Variants in DPH6 observed in about 807,000 individuals in gnomAD.
The protein encoded by DPH6 is diphthamine biosynthesis 6.
DPH6 carries 33 observed loss-of-function variants against 38.2 expected under a neutral mutation model. The ratio of observed to expected loss-of-function variants is 0.86; its 90% confidence interval spans 0.65 to 1.15. The LOEUF (loss-of-function observed/expected upper bound fraction) is 1.15. Ranked by LOEUF, DPH6 falls within the 50% of genes most tolerant of loss-of-function variation. DPH6 has a pLI of 0.00. For synonymous variants in DPH6, 108 were observed against 103.0 expected (o/e 1.05, Z -0.30); for missense variants, 325 against 320.0 (o/e 1.02, Z -0.12).
chr15:35,540,270 A>G (rs375683304), intron 2 of DPH6, among the ~76,000 whole-genome samples: 1 of 152,134 alleles, frequency 6.6e-6, no homozygotes, highest in East Asian at 1.9e-4. Flanking sequence ...AAGCAACTCA[A>G]TTAACATGCC....
the DPH6 span, among the ~76,000 whole-genome samples, chr15:35,186,218 G>C: frequency 2.6e-5 from 4 of 152,116 alleles, no homozygotes; most frequent in African/African-American, 9.7e-5. Context: ...TTGGAAGAAA[G>C]CCTGTAGCAA....
intron 6 of DPH6, among the ~76,000 whole-genome samples, chr15:35,399,619 A>G (rs2053191472): frequency 6.6e-6 from 1 of 152,222 alleles, no homozygotes; most frequent in Non-Finnish European, 1.5e-5. Flanking sequence ...AATATCCTAT[A>G]CACTTCCAAA....
At chr15:35,534,613 GAACAT>G (rs2055140800) in intron 3 of DPH6, among the ~76,000 whole-genome samples, 1 of 151,642 alleles carries the variant, frequency 6.6e-6, no homozygotes, top group South Asian at 2.1e-4. Flanking sequence ...AAATCTCACA[GAACAT>G]ACAACAAAAA....
chr15:35,295,852 A>G (rs2052010989), intron 3 of DPH6, among the ~76,000 whole-genome samples: 1 of 152,102 alleles, frequency 6.6e-6, no homozygotes, highest in Admixed American at 6.5e-5. Context: ...TTTTTCAATT[A>G]CATATTATGT....
rs148583348 is a variant in DPH6 at position 35,526,412 on chromosome 15, A to G, written c.312+11862T>C. Among the ~76,000 whole-genome samples the G allele has an allele frequency of 3.7e-3, 571 of 152,324 alleles. 6 individuals carry two copies. The highest frequency in any genetic ancestry group is 0.013 in the African/African-American group (548 of 41,576). ...GGATCAATATTAGCATAATTTTGTC[A>G]AAGTTAGATAGGCTTAATTTTGGTA... On this transcript the variant is annotated intron_variant, in intron 3 of 8. Coordinates refer to ENST00000256538, the MANE Select transcript of DPH6 (RefSeq NM_080650.4).
chr15:35,312,276 CAGAAGGGTAT>C (rs1392846658), intron 3 of DPH6, among the ~76,000 whole-genome samples: 3 of 152,082 alleles, frequency 2.0e-5, no homozygotes, highest in Non-Finnish European at 1.5e-5. Flanking sequence ...TATTGAATTA[CAGAAGGGTAT>C]AATAAGGTAG....
chr15:35,332,156 T>C (rs1315430777), intron 3 of DPH6, among the ~76,000 whole-genome samples: 2 of 152,142 alleles, frequency 1.3e-5, no homozygotes, highest in Non-Finnish European at 2.9e-5. Flanking sequence ...TTGTATTCTA[T>C]TCCTAAATTT....
At chr15:35,396,036 C>T (rs1010903338) in intron 6 of DPH6, among the ~76,000 whole-genome samples, 15 of 152,198 alleles carry the variant, frequency 9.9e-5, no homozygotes, top group Admixed American at 5.2e-4. Flanking sequence ...AGGACCCACA[C>T]CTCTTTTTGT....
intron 5 of DPH6, among the ~76,000 whole-genome samples, chr15:35,432,977 T>A (rs1054842506): frequency 5.9e-5 from 9 of 152,056 alleles, no homozygotes; most frequent in Admixed American, 4.6e-4. Flanking sequence ...ACATGAAATT[T>A]ACCCATGTAA....
At chr15:35,516,669 T>C (rs2054851844) in intron 3 of DPH6, among the ~76,000 whole-genome samples, 2 of 152,198 alleles carry the variant, frequency 1.3e-5, no homozygotes, top group Admixed American at 6.5e-5. Flanking sequence ...CATTAAAGGA[T>C]AAAAACATAC....
the DPH6 span, among the ~76,000 whole-genome samples, chr15:35,183,089 C>T: frequency 5.3e-5 from 8 of 152,218 alleles, no homozygotes; most frequent in Non-Finnish European, 1.0e-4. Context: ...CCATATCACT[C>T]ATAGCCTTTA....
chr15:35,162,502 C>CT, the DPH6 span, among the ~76,000 whole-genome samples: 7 of 151,922 alleles, frequency 4.6e-5, no homozygotes, highest in Admixed American at 1.3e-4. Flanking sequence ...CTGAAATACT[C>CT]TACTCTCAGA....
At chr15:35,341,466 AGT>A (rs1176489112) in intron 3 of DPH6, among the ~76,000 whole-genome samples, 2 of 151,852 alleles carry the variant, frequency 1.3e-5, no homozygotes, top group Non-Finnish European at 2.9e-5. Context: ...TTTAGTTTTC[AGT>A]GTTTTTGCAT....
At chr15:35,354,185 C>T (rs565861613) in intron 3 of DPH6, among the ~76,000 whole-genome samples, 2 of 152,102 alleles carry the variant, frequency 1.3e-5, no homozygotes, top group Non-Finnish European at 2.9e-5. Flanking sequence ...TTTGGGCTGA[C>T]ACGATGGGGC....
chr15:35,201,321 C>G, the DPH6 span, among the ~76,000 whole-genome samples: 87 of 151,800 alleles, frequency 5.7e-4, 1 homozygote, highest in African/African-American at 2.0e-3. Context: ...TTATGTTTAT[C>G]TGTTCCATTC....
rs905221209 is a variant in DPH6, at chr15:35,358,233, A to AT, written n.207+15287dup. Among the ~76,000 whole-genome samples, 39 of 150,486 alleles carry AT rather than the reference A, an allele frequency of 2.6e-4. 1 individual carries two copies. Among genetic ancestry groups the AT allele is most frequent in the African/African-American group, 6.6e-4 (27 of 40,970 alleles). ...GTGTCTAAAGTTTTCTGAATTTTTG[A>AT]TTTTTTTTTCTTTAAGTTATCTATT... On this transcript the variant is annotated intron_variant and non_coding_transcript_variant, in intron 3 of 3. Transcript: ENST00000558973.
Position 35,248,696 on chromosome 15 carries a change from T to C in DPH6, n.201-28114A>G, listed in dbSNP as rs553447364. On this transcript the variant is annotated intron_variant and non_coding_transcript_variant, in intron 3 of 3. Transcript: ENST00000560386. ...TTATGCTTTTGTCAGTCTGTCTTTA[T>C]TGTAGGGGTGTCAGCCATGACCTTT... is the stretch of plus-strand genomic sequence containing the variant. 1.5e-4 allele frequency among the ~76,000 whole-genome samples: 23 copies of C among 152,346 alleles called. 1 individual carries two copies. Among genetic ancestry groups the C allele is most frequent in the African/African-American group, 4.6e-4 (19 of 41,568 alleles).
chr15:35,440,507 C>T (rs1369473302), intron 5 of DPH6, among the ~76,000 whole-genome samples: 1 of 152,202 alleles, frequency 6.6e-6, no homozygotes, highest in Non-Finnish European at 1.5e-5. Context: ...TTAAATAGGC[C>T]TCTGAGGGAG....
At chr15:35,503,649 T>C (rs1385032394) in intron 3 of DPH6, among the ~76,000 whole-genome samples, 3 of 152,132 alleles carry the variant, frequency 2.0e-5, no homozygotes, top group East Asian at 1.9e-4. Context: ...CAATTGATTG[T>C]TCCTTTTCTA....
Sources: gnomAD v4.1 joint callset for allele counts (sites outside exome capture counted in the v4.1 genomes callset) on GRCh38, gnomAD v4.1.1 for gene constraint, MANE v1.5 for transcripts, NCBI Gene and HGNC (gene_info 2026-07-23, HGNC 2026-07-21) for gene names.